Variants in SH3BGRL2 observed in about 807,000 individuals in gnomAD.
The protein encoded by SH3BGRL2 is SH3 domain binding glutamate rich protein like 2, also known as SH3 domain-binding glutamic acid-rich-like protein 2.
SH3BGRL2 carries 21 observed loss-of-function variants against 14.8 expected under a neutral mutation model. That is an observed-to-expected ratio of 1.42 (90% CI 1.01 to 2.05). The LOEUF (loss-of-function observed/expected upper bound fraction) is 2.05. SH3BGRL2 is among the 30% of genes most tolerant of loss of function. The pLI is 0.00. For synonymous variants in SH3BGRL2, 50 were observed against 47.8 expected (o/e 1.05, Z -0.19); for missense variants, 147 against 130.8 (o/e 1.12, Z -0.61).
the SH3BGRL2 span, among the ~76,000 whole-genome samples, chr6:79,621,776 G>C: frequency 6.6e-6 from 1 of 152,070 alleles, no homozygotes; most frequent in Non-Finnish European, 1.5e-5. Context: ...CACTTTCTAA[G>C]CCTCCTTTGC....
At chr6:79,641,812 A>T (rs1325257175) in intron 1 of SH3BGRL2, among the ~76,000 whole-genome samples, 1 of 152,234 alleles carries the variant, frequency 6.6e-6, no homozygotes, top group South Asian at 2.1e-4. Context: ...TCCAAAAATT[A>T]TATACAGTAC....
intron 1 of SH3BGRL2, among the ~76,000 whole-genome samples, chr6:79,639,594 A>G (rs905059753): frequency 2.6e-5 from 4 of 152,312 alleles, no homozygotes; most frequent in Non-Finnish European, 2.9e-5. Flanking sequence ...TGTCTCAGAC[A>G]AACAAACCCC....
chr6:79,631,919 T>C (rs1323629501), intron 1 of SH3BGRL2, among the ~76,000 whole-genome samples: 2 of 152,222 alleles, frequency 1.3e-5, no homozygotes, highest in Non-Finnish European at 2.9e-5. Context: ...TGCTTTGGTT[T>C]GTTACCCTAG....
the SH3BGRL2 span, among the ~76,000 whole-genome samples, chr6:79,578,713 GA>G: frequency 6.6e-6 from 1 of 152,140 alleles, no homozygotes; most frequent in Non-Finnish European, 1.5e-5. Context: ...CAGAAAAGCT[GA>G]AAATTCTAAA....
the SH3BGRL2 span, among the ~76,000 whole-genome samples, chr6:79,542,001 C>T: frequency 6.6e-6 from 1 of 152,136 alleles, no homozygotes; most frequent in Non-Finnish European, 1.5e-5. Context: ...GACTTCCCCA[C>T]CAATAATTTC....
chr6:79,665,478 G>A (rs1049128546), intron 1 of SH3BGRL2, among the ~76,000 whole-genome samples: 4 of 152,204 alleles, frequency 2.6e-5, no homozygotes, highest in Admixed American at 1.3e-4. Context: ...AAGCCTCAGC[G>A]TGATGAGATT....
At chr6:79,637,930 T>C (rs55649160) in intron 1 of SH3BGRL2, among the ~76,000 whole-genome samples, 15,080 of 152,210 alleles carry the variant, frequency 0.099, 1,074 homozygotes, top group East Asian at 0.32. Context: ...GCAAATATTC[T>C]TTTACCCATT....
the SH3BGRL2 span, among the ~76,000 whole-genome samples, chr6:79,595,976 G>A: frequency 6.6e-6 from 1 of 152,096 alleles, no homozygotes; most frequent in East Asian, 1.9e-4. Flanking sequence ...GTTCAGCTAG[G>A]TTGTAGGACA....
chr6:79,681,558 G>T (rs2127735675), intron 2 of SH3BGRL2, among the ~76,000 whole-genome samples: 1 of 152,224 alleles, frequency 6.6e-6, no homozygotes, highest in South Asian at 2.1e-4. Flanking sequence ...TATTTATGGT[G>T]TCTCCTCTCC....
At chr6:79,645,951 G>T (rs1769134868) in intron 1 of SH3BGRL2, among the ~76,000 whole-genome samples, 1 of 152,200 alleles carries the variant, frequency 6.6e-6, no homozygotes, top group African/African-American at 2.4e-5. Context: ...GGGTAGAACT[G>T]CCTTGAAAAG....
chr6:79,549,173 A>T, the SH3BGRL2 span, among the ~76,000 whole-genome samples: 1 of 152,218 alleles, frequency 6.6e-6, no homozygotes, highest in Admixed American at 6.5e-5. Flanking sequence ...AGGGGCATGG[A>T]ATGAAGACAG....
At chr6:79,652,333 A>AT (rs1769313151) in intron 1 of SH3BGRL2, among the ~76,000 whole-genome samples, 1 of 152,188 alleles carries the variant, frequency 6.6e-6, no homozygotes, top group Non-Finnish European at 1.5e-5. Context: ...TTACTGAGTA[A>AT]TTTTATCAAC....
At chr6:79,548,853 C>T in the SH3BGRL2 span, among the ~76,000 whole-genome samples, 1 of 152,042 alleles carries the variant, frequency 6.6e-6, no homozygotes, top group Non-Finnish European at 1.5e-5. Context: ...AATGGCAGGG[C>T]CTATAGAAGA....
the SH3BGRL2 span, among the ~76,000 whole-genome samples, chr6:79,621,880 A>G: frequency 1.3e-5 from 2 of 152,098 alleles, no homozygotes; most frequent in Admixed American, 1.3e-4. Context: ...AGAGGAAATC[A>G]TATTTTTTGC....
rs149007623 is a variant in SH3BGRL2, at chr6:79,687,450, G to A, written c.232-9035G>A. Among the ~76,000 whole-genome samples the A allele has an allele frequency of 6.7e-3, 1,023 of 152,164 alleles. 5 individuals are homozygous for A. The highest frequency in any genetic ancestry group is 0.011 in the Non-Finnish European group (715 of 68,000). ...GTCAGAACTATTAAACATGAATTAG[G>A]AATTTGAGATTCTCACCTTTGGATT... On this transcript the variant is annotated intron_variant, in intron 2 of 3. Coordinates refer to ENST00000369838, the MANE Select transcript of SH3BGRL2 (RefSeq NM_031469.4).
At chr6:79,561,225 T>C in the SH3BGRL2 span, 5 of 151,840 alleles carry the variant, frequency 3.3e-5, no homozygotes, top group African/African-American at 1.2e-4. Context: ...TTTAAATACA[T>C]TTAATACTCT....
At chr6:79,651,029 C>T (rs1435547793) in intron 1 of SH3BGRL2, among the ~76,000 whole-genome samples, 4 of 151,654 alleles carry the variant, frequency 2.6e-5, no homozygotes, top group Non-Finnish European at 5.9e-5. Context: ...AAATAGAAGT[C>T]GTTTTTATAT....
chr6:79,551,424 T>C, the SH3BGRL2 span, among the ~76,000 whole-genome samples: 1 of 150,658 alleles, frequency 6.6e-6, no homozygotes, highest in Non-Finnish European at 1.5e-5. Context: ...GTATCATCAA[T>C]GCTGTGAATC....
rs1562162506 is a variant in SH3BGRL2, at chr6:79,701,489, C to G, written c.*1980C>G. On this transcript the variant is annotated 3_prime_UTR_variant, in exon 4 of 4. Coordinates refer to ENST00000369838, the MANE Select transcript of SH3BGRL2 (RefSeq NM_031469.4). The stretch of plus-strand genomic sequence containing the variant: ...GCTAGACAAAGCTACCCAGATTTGT[C>G]TTATATTATAATTTTTGAGTTAACC... 6.6e-6 allele frequency: 1 copy of G among 151,742 alleles called. No individual in the cohort carries two copies. Among genetic ancestry groups the G allele is most frequent in the Non-Finnish European group, 1.5e-5 (1 of 67,978 alleles). 9.4% of individuals were successfully genotyped at this position (151,742 alleles called of 1,614,324 possible). A position where few individuals can be genotyped will look rare whatever the true frequency, so the allele number is the denominator to read the frequency against.
Sources: allele counts gnomAD v4.1 joint callset (sites outside exome capture counted in the v4.1 genomes callset), GRCh38; gene constraint gnomAD v4.1.1; transcripts MANE v1.5; gene names NCBI Gene and HGNC (gene_info 2026-07-23, HGNC 2026-07-21).